Variants in TBC1D1 observed in about 807,000 individuals in gnomAD.
TBC1D1 encodes the protein TBC1 domain family member 1, also known as TBC1 (tre-2/USP6, BUB2, cdc16) domain family, member 1.
TBC1D1 carries 89 observed loss-of-function variants against 125.6 expected under a neutral mutation model. The observed-to-expected ratio is 0.71, with a 90% confidence interval of 0.60 to 0.85. TBC1D1 has a LOEUF of 0.85. Among genes scored for constraint, TBC1D1 ranks in the 40% least tolerant of loss-of-function variants. The probability of loss-of-function intolerance (pLI) is 0.00; values close to 1 mark genes in which losing one functional copy is unlikely to be tolerated. For missense variants in TBC1D1, 1,377 were observed against 1,469.2 expected, an observed-to-expected ratio of 0.94 and a Z score of 1.03; for synonymous variants, 565 against 564.1, an observed-to-expected ratio of 1.00 and a Z score of -0.02.
At chr4:38,063,956 C>G (rs113472869) in intron 12 of TBC1D1, among the ~76,000 whole-genome samples, 170 of 152,246 alleles carry the variant, frequency 1.1e-3, no homozygotes, top group African/African-American at 3.8e-3. Context: ...TTTTGTCCCC[C>G]TAGAAAAAAA....
chr4:38,132,654 G>A (rs1156538355), intron 18 of TBC1D1: 1 of 166,620 alleles, frequency 6.0e-6, no homozygotes, highest in Admixed American at 6.5e-5. Context: ...ATTAAACTTT[G>A]ACTTGGTGAC....
At position 37,983,121 on chromosome 4, in the gene TBC1D1, CTT is replaced by C. The variant is rs71190937; in HGVS notation, c.418-31369_418-31368del. ...GCCAAAGATGATCTTTCCCCAAACT[CTT>C]TTTTTTTTTTTTTTTTTTCAGACGG... On this transcript the variant is annotated intron_variant, in intron 2 of 19. Coordinates refer to ENST00000261439, the MANE Select transcript of TBC1D1 (RefSeq NM_015173.4). 6.4e-3 allele frequency among the ~76,000 whole-genome samples: 742 copies of C among 116,526 alleles called. 3 individuals carry two copies. The highest frequency in any genetic ancestry group is 0.019 in the African/African-American group (590 of 30,276). 76.4% of individuals were successfully genotyped at this position (116,526 alleles called of 152,430 possible). A position where few individuals can be genotyped will look rare whatever the true frequency, so the allele number is the denominator to read the frequency against.
At chr4:37,926,723 C>T (rs181590600) in intron 2 of TBC1D1, among the ~76,000 whole-genome samples, 1 of 152,318 alleles carries the variant, frequency 6.6e-6, no homozygotes, top group East Asian at 1.9e-4. Flanking sequence ...TCTCTTTGGC[C>T]ACTGCCACCA....
intron 1 of TBC1D1, among the ~76,000 whole-genome samples, chr4:37,900,149 A>G (rs2152220445): frequency 6.6e-6 from 1 of 151,920 alleles, no homozygotes; most frequent in Admixed American, 6.6e-5. Flanking sequence ...AAAAAAAGTA[A>G]GGAAGGTGTG....
intron 2 of TBC1D1, among the ~76,000 whole-genome samples, chr4:38,008,676 C>T (rs1453084652): frequency 6.6e-6 from 1 of 152,202 alleles, no homozygotes; most frequent in African/African-American, 2.4e-5. Flanking sequence ...CTGATCACTC[C>T]TTGGCAAGAT....
At position 37,950,564 on chromosome 4, in the gene TBC1D1, G is replaced by T. The variant is rs6827874; in HGVS notation, c.417+48052G>T. On this transcript the variant is annotated intron_variant, in intron 2 of 19. Transcript: ENST00000261439. The stretch of plus-strand genomic sequence containing the variant: ...GAAGAGGCTACAGATATAGCCACCT[G>T]CCCCCTCCCCTCCCGCCCCCTACAT... Among the ~76,000 whole-genome samples the T allele has an allele frequency of 7.7e-3, 1,118 of 144,964 alleles. 20 individuals are homozygous for T. The highest frequency in any genetic ancestry group is 0.027 in the African/African-American group (1,056 of 39,124).
chr4:37,960,381 A>G (rs1333912905), intron 2 of TBC1D1: 3 of 1,454,582 alleles, frequency 2.1e-6, no homozygotes, highest in Non-Finnish European at 2.8e-6. Flanking sequence ...CTAAATATAA[A>G]GTGGGACCAC....
intron 2 of TBC1D1, among the ~76,000 whole-genome samples, chr4:37,938,437 A>G (rs1182094600): frequency 6.6e-6 from 1 of 152,210 alleles, no homozygotes; most frequent in East Asian, 1.9e-4. Context: ...TGGACAGTGC[A>G]AACATAAGAC....
At chr4:38,031,741 C>T (rs770749793) in intron 7 of TBC1D1, among the ~76,000 whole-genome samples, 5 of 152,226 alleles carry the variant, frequency 3.3e-5, no homozygotes, top group Non-Finnish European at 7.3e-5. Context: ...AATCGTCCTA[C>T]CTCAGCTTCC....
intron 18 of TBC1D1, among the ~76,000 whole-genome samples, chr4:38,132,371 C>T (rs756060805): frequency 1.4e-4 from 21 of 152,296 alleles, no homozygotes; most frequent in East Asian, 5.8e-4. Flanking sequence ...TTCTGCTTTC[C>T]GCCCTGCCTT....
intron 12 of TBC1D1, among the ~76,000 whole-genome samples, chr4:38,087,142 A>G (rs1261951672): frequency 6.6e-6 from 1 of 152,262 alleles, no homozygotes; most frequent in African/African-American, 2.4e-5. Context: ...AACTGTCACT[A>G]GTGATAATAA....
rs892072901 is a variant in TBC1D1, at chr4:37,995,998, G to T, written c.418-18511G>T. 5.7e-6 allele frequency: 3 copies of T among 528,362 alleles called. No homozygotes were observed. The highest frequency in any genetic ancestry group is 4.2e-5 in the South Asian group (3 of 70,782). 32.7% of individuals were successfully genotyped at this position (528,362 alleles called of 1,614,324 possible). ...GTTTCTACCTCATCCTTGGGTGGGG[G>T]TTCTGGGATGGGGATGTCCAGTGGG... On this transcript the variant is annotated intron_variant, in intron 2 of 19. Coordinates refer to ENST00000261439, the MANE Select transcript of TBC1D1 (RefSeq NM_015173.4). This position sits in a 1 kb window ranked among gnomAD's most constrained non-coding sequence, Gnocchi z 4.3.
At chr4:37,937,653 CA>C (rs1438949477) in intron 2 of TBC1D1, among the ~76,000 whole-genome samples, 2 of 152,038 alleles carry the variant, frequency 1.3e-5, no homozygotes, top group Admixed American at 6.5e-5. Flanking sequence ...TACATAAAAA[CA>C]ATAACAATTC....
intron 2 of TBC1D1, among the ~76,000 whole-genome samples, chr4:37,963,398 G>A (rs1367294876): frequency 6.6e-6 from 1 of 151,444 alleles, no homozygotes; most frequent in Non-Finnish European, 1.5e-5. Flanking sequence ...TTGAGGTGGG[G>A]GGTGAGGGAG....
intron 12 of TBC1D1, among the ~76,000 whole-genome samples, chr4:38,081,655 T>G (rs1756581375): frequency 6.6e-6 from 1 of 152,200 alleles, no homozygotes; most frequent in Non-Finnish European, 1.5e-5. Flanking sequence ...TAATAGGAAT[T>G]CAGCACTTAC....
chr4:38,051,649 T>C lies in TBC1D1; in HGVS notation c.1910+1751T>C, dbSNP rs1750573048. The stretch of plus-strand genomic sequence containing the variant: ...TGAGACCTATTAAAAAAAAAAAGTA[T>C]TGTTGGGAGCATAAACACGTGGGAA... On this transcript the variant is annotated intron_variant, in intron 11 of 19. Coordinates refer to ENST00000261439, the MANE Select transcript of TBC1D1 (RefSeq NM_015173.4). Among the ~76,000 whole-genome samples the C allele has an allele frequency of 2.0e-5, 3 of 151,814 alleles. No individual in the cohort carries two copies. The South Asian group carries it at 6.2e-4, about 32-fold the overall frequency.
At chr4:38,040,689 G>C (rs532036519) in intron 8 of TBC1D1, among the ~76,000 whole-genome samples, 24 of 152,294 alleles carry the variant, frequency 1.6e-4, no homozygotes, top group Non-Finnish European at 2.9e-4. Context: ...ATTGTAACTG[G>C]TGTTGAGTTG....
At chr4:38,085,782 A>G (rs1480899862) in intron 12 of TBC1D1, among the ~76,000 whole-genome samples, 2 of 152,172 alleles carry the variant, frequency 1.3e-5, no homozygotes, top group Admixed American at 6.5e-5. Context: ...TAAGGGACTC[A>G]ATGCTGGTAG....
intron 2 of TBC1D1, among the ~76,000 whole-genome samples, chr4:38,013,952 T>C (rs1202561284): frequency 2.0e-5 from 3 of 152,200 alleles, no homozygotes; most frequent in Non-Finnish European, 4.4e-5. Context: ...AAGGAAATAA[T>C]GGTGCTGGGA....
Sources: allele counts gnomAD v4.1 joint callset (sites outside exome capture counted in the v4.1 genomes callset), GRCh38; gene constraint gnomAD v4.1.1; non-coding constraint Gnocchi (gnomAD v3.1); transcripts MANE v1.5; gene names NCBI Gene and HGNC (gene_info 2026-07-23, HGNC 2026-07-21).